The following EHD3 variants were observed in gnomAD, a reference collection of about 807,000 sequenced individuals.
EHD3 encodes EH domain containing 3.
EHD3 carries 17 observed loss-of-function variants against 43.0 expected under a neutral mutation model. The observed-to-expected ratio is 0.40, with a 90% CI of 0.27 to 0.59. EHD3 has a LOEUF of 0.59. EHD3 is among the 20% of genes least tolerant of loss of function. The pLI, the probability that EHD3 is intolerant of heterozygous loss-of-function variation, is 0.49. For missense variants in EHD3, 594 were observed against 705.6 expected, an observed-to-expected ratio of 0.84 and a Z score of 1.79; for synonymous variants, 313 against 289.5, an observed-to-expected ratio of 1.08 and a Z score of -0.82.
chr2:31,261,502 C>T (rs201317612), intron 4 of EHD3, 47 bp from the exon 5 acceptor site: 5 of 1,600,700 alleles, frequency 3.1e-6, no homozygotes, highest in Non-Finnish European at 2.6e-6. Context: ...AGGAAGGGAC[C>T]GTCCAGGGTC....
At chr2:31,241,144 G>A (rs1558646720) in intron 1 of EHD3, among the ~76,000 whole-genome samples, 1 of 152,216 alleles carries the variant, frequency 6.6e-6, no homozygotes, top group African/African-American at 2.4e-5. Context: ...TATTTACAGA[G>A]ATGAGTACAC....
Position 31,266,414 on chromosome 2 carries a change from G to A in EHD3, c.1318G>A (p.Val440Met). 3 of 1,614,072 alleles carry A rather than the reference G, an allele frequency of 1.9e-6. No individual in the cohort carries two copies. Among genetic ancestry groups the A allele is most frequent in the Non-Finnish European group, 2.5e-6 (3 of 1,179,944 alleles). The change falls in exon 6 of 6, where the codon GTG becomes ATG. Residue 440 changes from valine (V) to methionine (M), a missense_variant. Physicochemically the swap from Val to Met is conservative, Grantham distance 21. Coordinates refer to ENST00000322054, the MANE Select transcript of EHD3 (RefSeq NM_014600.3). The surrounding 1 kb of genome is among the most constrained non-coding windows in gnomAD (Gnocchi z 5.1). ...AGEGIDDAEW[V>M]VARDKPMYDE... ...AGAAGGTATCGATGATGCTGAGTGG[G>A]TGGTGGCCAGGGACAAGCCCATGTA...
intron 5 of EHD3, among the ~76,000 whole-genome samples, chr2:31,263,090 G>A (rs142073343): frequency 3.3e-5 from 5 of 152,014 alleles, no homozygotes; most frequent in East Asian, 1.9e-4. Flanking sequence ...TTTCCTATCC[G>A]GCAGAAGAAA....
At chr2:31,245,739 T>G (rs1342310799) in intron 2 of EHD3, among the ~76,000 whole-genome samples, 31 of 140,914 alleles carry the variant, frequency 2.2e-4, no homozygotes, top group African/African-American at 7.8e-4. Context: ...TTTTGTGTTT[T>G]TTTTTTTTTT....
At chr2:31,261,445 A>C in intron 4 of EHD3, 104 bp from the exon 5 acceptor site, 1 of 1,314,170 alleles carries the variant, frequency 7.6e-7, no homozygotes, top group Non-Finnish European at 1.1e-6. Flanking sequence ...GAGCAGGAGG[A>C]GGCGGGAGGG....
intron 3 of EHD3, among the ~76,000 whole-genome samples, chr2:31,250,555 C>G (rs1431540704): frequency 2.6e-5 from 4 of 152,210 alleles, no homozygotes; most frequent in African/African-American, 9.6e-5. Flanking sequence ...GCGGGAACCA[C>G]CGCACCCAGC....
At position 31,266,447 on chromosome 2, in the gene EHD3, A is replaced by G. The variant is rs1252739624; in HGVS notation, c.1351A>G (p.Ile451Val). ...VARDKPMYDE[I>V]FYTLSPVDGK... is the part of the protein sequence containing the mutation. The stretch of plus-strand genomic sequence containing the variant: ...CAGGGACAAGCCCATGTACGACGAG[A>G]TCTTCTACACCCTGTCACCGGTGGA... The change falls in exon 6 of 6, where the codon ATC (isoleucine) becomes GTC (valine). Residue 451 changes from isoleucine to valine, a missense_variant. Coordinates refer to ENST00000322054, the MANE Select transcript of EHD3 (RefSeq NM_014600.3). This position sits in a 1 kb window ranked among gnomAD's most constrained non-coding sequence, Gnocchi z 5.1. The G allele has an allele frequency of 1.2e-6, 2 of 1,613,836 alleles. No individual in the cohort carries two copies. Among genetic ancestry groups the G allele is most frequent in the Non-Finnish European group, 1.7e-6 (2 of 1,179,940 alleles).
Position 31,267,092 on chromosome 2 carries a change from T to C in EHD3, c.*388T>C, listed in dbSNP as rs766051913. On this transcript the variant is annotated 3_prime_UTR_variant, in exon 6 of 6. Coordinates refer to ENST00000322054, the MANE Select transcript of EHD3 (RefSeq NM_014600.3). ...GGCTCTGAGCAAATGGAAAAGACTT[T>C]TCATTTAGTAGACAATTCACTTCTT... The C allele has an allele frequency of 4.3e-5, 8 of 184,362 alleles. No homozygotes were observed. Among genetic ancestry groups the C allele is most frequent in the Non-Finnish European group, 7.9e-5 (7 of 89,076 alleles). 11.4% of individuals were successfully genotyped at this position (184,362 alleles called of 1,614,324 possible).
chr2:31,246,920 G>A (rs184742397), intron 2 of EHD3, among the ~76,000 whole-genome samples: 10 of 149,276 alleles, frequency 6.7e-5, no homozygotes, highest in African/African-American at 1.7e-4. Flanking sequence ...TTTTTGAGAC[G>A]AGGTCTTGCT....
At chr2:31,250,290 CAG>C (rs1683611015) in intron 3 of EHD3, among the ~76,000 whole-genome samples, 2 of 135,082 alleles carry the variant, frequency 1.5e-5, no homozygotes, top group African/African-American at 5.6e-5. Flanking sequence ...TTTTTTGAGA[CAG>C]AGTCTCAGTC....
At position 31,240,694 on chromosome 2, in the gene EHD3, C is replaced by T. The variant is rs115013231; in HGVS notation, c.228-3580C>T. ...CTTCACTCATCTGCTGAGAACACCA[C>T]GTCCCTCTCAGGGGTAGAATTTGAG... On this transcript the variant is annotated intron_variant, in intron 1 of 5. Transcript: ENST00000322054. 3.2e-3 allele frequency among the ~76,000 whole-genome samples: 487 copies of T among 152,334 alleles called. 4 individuals carry two copies. Among genetic ancestry groups the T allele is most frequent in the African/African-American group, 0.011 (474 of 41,574 alleles).
chr2:31,241,351 G>A (rs6760395), intron 1 of EHD3, among the ~76,000 whole-genome samples: 18,688 of 152,082 alleles, frequency 0.12, 2,500 homozygotes, highest in African/African-American at 0.34. Flanking sequence ...GGTTAGGAGC[G>A]TGAACTCAAA....
chr2:31,253,862 G>C (rs1221406108), intron 3 of EHD3, among the ~76,000 whole-genome samples: 1 of 152,180 alleles, frequency 6.6e-6, no homozygotes, highest in Non-Finnish European at 1.5e-5. Flanking sequence ...GTTCCTGGAA[G>C]TGGCAGGATG....
Position 31,260,700 on chromosome 2 carries a change from GGTGTACGGGGCCCTC to G in EHD3, c.694_708del (p.Val232_Leu236del). 6.2e-7 allele frequency: 1 copy of G among 1,614,184 alleles called. No homozygotes were observed. The highest frequency in any genetic ancestry group is 8.5e-7 in the Non-Finnish European group (1 of 1,180,028). ...AGATCGAGACGCAGCAGCTGATGCG[GGTGTACGGGGCCCTC>G]ATGTGGTCCTTGGGGAAGATCGTGA... On this transcript the variant is annotated inframe_deletion, in exon 4 of 6. Coordinates refer to ENST00000322054, the MANE Select transcript of EHD3 (RefSeq NM_014600.3). This position sits in a 1 kb window ranked among gnomAD's most constrained non-coding sequence, Gnocchi z 4.6.
At chr2:31,252,507 G>A (rs578182158) in intron 3 of EHD3, among the ~76,000 whole-genome samples, 160 of 152,238 alleles carry the variant, frequency 1.1e-3, no homozygotes, top group Non-Finnish European at 1.7e-3. Flanking sequence ...ACGGAGTCTC[G>A]CTCTGTCACC....
intron 3 of EHD3, among the ~76,000 whole-genome samples, chr2:31,258,354 C>T (rs574922945): frequency 2.0e-4 from 30 of 152,274 alleles, no homozygotes; most frequent in African/African-American, 6.5e-4. Context: ...TGCCTCCACA[C>T]GTCCTAAATA....
intron 1 of EHD3, among the ~76,000 whole-genome samples, chr2:31,243,097 G>A (rs1683451649): frequency 6.6e-6 from 1 of 151,978 alleles, no homozygotes; most frequent in Non-Finnish European, 1.5e-5. Context: ...GCCAATATGG[G>A]GAAGCCCCGT....
chr2:31,248,565 T>C (rs1395020775), intron 2 of EHD3, among the ~76,000 whole-genome samples: 2 of 152,174 alleles, frequency 1.3e-5, no homozygotes, highest in Non-Finnish European at 2.9e-5. Context: ...GCATGAACCA[T>C]GGCTGCCTCA....
In EHD3 at chr2:31,256,771, T is replaced by C. The variant is rs77505142; in HGVS notation, c.503-3739T>C. Among the ~76,000 whole-genome samples, 779 of 152,350 alleles carry C rather than the reference T, an allele frequency of 5.1e-3. 8 individuals carry two copies. Among genetic ancestry groups the C allele is most frequent in the African/African-American group, 0.018 (744 of 41,588 alleles). On this transcript the variant is annotated intron_variant, in intron 3 of 5. Transcript: ENST00000322054. ...TGCAGGGACAGAGCCTCTTCCCTTC[T>C]CTGCAGCTTCTCTGGTGTCTTTGTT...
Sources: allele counts gnomAD v4.1 joint callset (sites outside exome capture counted in the v4.1 genomes callset), GRCh38; gene constraint gnomAD v4.1.1; non-coding constraint Gnocchi (gnomAD v3.1); transcripts MANE v1.5; gene names NCBI Gene and HGNC (gene_info 2026-07-23, HGNC 2026-07-21).